Variants in TUB observed in about 807,000 individuals in gnomAD.
TUB encodes TUB bipartite transcription factor.
In TUB, 33 loss-of-function variants were observed where a neutral mutation model predicts 59.7. The observed-to-expected ratio is 0.55, with a 90% CI of 0.42 to 0.74. The LOEUF is 0.74. Ranked by LOEUF, TUB falls within the 30% of genes least tolerant of loss-of-function variation. TUB has a pLI of 0.00. For synonymous variants in TUB, 293 were observed against 256.4 expected, an observed-to-expected ratio of 1.14 and a Z score of -1.36; for missense variants, 659 against 672.0, an observed-to-expected ratio of 0.98 and a Z score of 0.21.
At chr11:8,037,725 A>T (rs1011150816), upstream of TUB, among the ~76,000 whole-genome samples, 20 of 152,214 alleles carry the variant, frequency 1.3e-4, no homozygotes, top group African/African-American at 4.1e-4. Context: ...AGGGCCTGGT[A>T]GTAGATAAGG....
At chr11:8,046,940 C>T (rs1289113797) in intron 2 of TUB, among the ~76,000 whole-genome samples, 1 of 152,164 alleles carries the variant, frequency 6.6e-6, no homozygotes, top group African/African-American at 2.4e-5. Context: ...AAAAAATTTT[C>T]ATAATATTTT....
chr11:8,098,321 AGAT>A (rs1944097244), intron 8 of TUB, among the ~76,000 whole-genome samples: 2 of 152,158 alleles, frequency 1.3e-5, no homozygotes, highest in South Asian at 4.2e-4. Context: ...GCATAAATAA[AGAT>A]GAGAGGTCAG....
intron 1 of TUB, chr11:8,039,167 G>T: frequency 8.9e-7 from 1 of 1,129,746 alleles, no homozygotes; most frequent in Non-Finnish European, 1.2e-6. Flanking sequence ...TCACCACGTG[G>T]AGCCCCACAG....
At chr11:8,032,095 T>A (rs1942581733) in intron 1 of TUB, among the ~76,000 whole-genome samples, 1 of 151,580 alleles carries the variant, frequency 6.6e-6, no homozygotes, top group Non-Finnish European at 1.5e-5. Context: ...CCACTGCAGG[T>A]GAGTGTCCCG....
rs140973093 is a variant in TUB, at chr11:8,064,925, T to G, written c.204-24685T>G. Among the ~76,000 whole-genome samples, 735 of 152,330 alleles carry G rather than the reference T, an allele frequency of 4.8e-3. 8 individuals are homozygous for G. The highest frequency in any genetic ancestry group is 0.017 in the African/African-American group (697 of 41,562). ...GGAACAAATAAGCAGTTATGGATAC[T>G]CAAAGATATTGTTGGTAGGAGCAGA... On this transcript the variant is annotated intron_variant, in intron 2 of 12. Transcript: ENST00000305253.
chr11:8,101,626 C>G lies in TUB; in HGVS notation c.*7C>G, dbSNP rs773963377. ...CAAGCTGGCGTGCGAGTAGAGGCCT[C>G]TTCGTGCCCTTTGGGGTTGCCCAGC... On this transcript the variant is annotated 3_prime_UTR_variant, in exon 12 of 12. Transcript: ENST00000299506. 2.5e-6 allele frequency: 4 copies of G among 1,614,080 alleles called. No homozygotes were observed. In the South Asian group the frequency reaches 3.3e-5, roughly 13 times the overall value.
At chr11:8,100,768 C>G in intron 10 of TUB, 58 bp from the exon 11 acceptor site, 2 of 1,600,498 alleles carry the variant, frequency 1.2e-6, no homozygotes, top group Admixed American at 1.7e-5. Context: ...AGATCCCTTT[C>G]TGGGGTGGTC....
chr11:8,039,531 G>A, intron 1 of TUB: 1 of 883,806 alleles, frequency 1.1e-6, no homozygotes, highest in Non-Finnish European at 1.6e-6. Context: ...TGAGGCAGCT[G>A]AGACCAGGGC....
intron 2 of TUB, among the ~76,000 whole-genome samples, chr11:8,044,696 C>T (rs1240375032): frequency 1.3e-5 from 2 of 152,234 alleles, no homozygotes; most frequent in East Asian, 3.8e-4. Context: ...CTCAGTCCCG[C>T]AAGACTTCCC....
intron 2 of TUB, among the ~76,000 whole-genome samples, chr11:8,054,101 C>T (rs1253034754): frequency 2.0e-5 from 3 of 152,022 alleles, no homozygotes; most frequent in East Asian, 2.0e-4. Flanking sequence ...GGCGACAGAG[C>T]GAGACTCTGT....
chr11:8,042,086 A>T (rs1277298391), intron 2 of TUB, among the ~76,000 whole-genome samples: 1 of 152,016 alleles, frequency 6.6e-6, no homozygotes, highest in East Asian at 1.9e-4. Context: ...GAACATTTTC[A>T]TTACTCCCCC....
At chr11:8,038,981 G>A (rs1378958651) in exon 1 of TUB, 1 of 1,614,006 alleles carries the variant, frequency 6.2e-7, no homozygotes, top group Admixed American at 1.7e-5. Flanking sequence ...AGCATTCAAA[G>A]CAGCACAGGA....
intron 1 of TUB, among the ~76,000 whole-genome samples, chr11:8,026,473 T>TTA (rs112963442): frequency 6.7e-6 from 1 of 148,512 alleles, no homozygotes; most frequent in Admixed American, 6.7e-5. Flanking sequence ...TGAGATTCAT[T>TTA]AAAAAAAAAA....
intron 1 of TUB, among the ~76,000 whole-genome samples, chr11:8,023,952 A>G (rs1049461299): frequency 1.3e-5 from 2 of 152,218 alleles, no homozygotes; most frequent in Non-Finnish European, 2.9e-5. Context: ...GGACCTTCCC[A>G]TTCTAGACCC....
intron 1 of TUB, among the ~76,000 whole-genome samples, chr11:8,085,331 C>T (rs189498941): frequency 1.3e-5 from 2 of 152,350 alleles, no homozygotes; most frequent in East Asian, 1.9e-4. Flanking sequence ...CAAGTCAGGG[C>T]TTAGTCCCGC....
At chr11:8,082,011 C>T (rs1229255426) in intron 1 of TUB, among the ~76,000 whole-genome samples, 1 of 152,230 alleles carries the variant, frequency 6.6e-6, no homozygotes, top group African/African-American at 2.4e-5. Flanking sequence ...TTATTCTGAA[C>T]CAAGAGCACA....
upstream of TUB, chr11:8,077,131 T>C (rs1191863401): frequency 6.6e-6 from 1 of 152,232 alleles, no homozygotes; most frequent in African/African-American, 2.4e-5. Flanking sequence ...TGTCTAGCAG[T>C]TTGCCATACC....
intron 10 of TUB, 49 bp from the exon 11 acceptor site, chr11:8,100,777 T>C (rs142564202): frequency 1.6e-4 from 260 of 1,605,712 alleles, no homozygotes; most frequent in Non-Finnish European, 2.0e-4. Context: ...TCTGGGGTGG[T>C]CATGGTGCCA....
intron 2 of TUB, among the ~76,000 whole-genome samples, chr11:8,050,275 G>A (rs1192667661): frequency 1.3e-5 from 2 of 152,168 alleles, no homozygotes; most frequent in East Asian, 1.9e-4. Context: ...TGGCAGTTAC[G>A]AATAGTGCTG....
Sources: gnomAD v4.1 joint callset for allele counts (sites outside exome capture counted in the v4.1 genomes callset) on GRCh38, gnomAD v4.1.1 for gene constraint, MANE v1.5 for transcripts, NCBI Gene and HGNC (gene_info 2026-07-23, HGNC 2026-07-21) for gene names.